The following VPS54 variants were observed in gnomAD, a reference collection of about 807,000 sequenced individuals.
VPS54 encodes the protein VPS54 subunit of GARP complex.
In VPS54, 45 loss-of-function variants were observed where a neutral mutation model predicts 121.5. That is an observed-to-expected ratio of 0.37 (90% CI 0.29 to 0.47). The LOEUF is 0.47. Among genes scored for constraint, VPS54 ranks in the 20% least tolerant of loss-of-function variants. The pLI is 0.99. For missense variants in VPS54, 1,090 were observed against 1,131.4 expected (o/e 0.96, Z 0.52); for synonymous variants, 371 against 385.8 (o/e 0.96, Z 0.45).
In VPS54 at chr2:63,949,276, A is replaced by C. The variant is rs888286584; in HGVS notation, c.1011-113T>G. 1.3e-5 allele frequency: 13 copies of C among 1,022,202 alleles called. No homozygotes were observed. The African/African-American group carries it at 2.0e-4, about 16-fold the overall frequency. 63.3% of individuals were successfully genotyped at this position (1,022,202 alleles called of 1,614,324 possible). ...TTTCAGTTGACAGTACCTGTGCAAT[A>C]ATGCAATGTTTTCAAAAAATGAAGT... On this transcript the variant is annotated intron_variant, in intron 7 of 22. Coordinates refer to ENST00000272322, the MANE Select transcript of VPS54 (RefSeq NM_016516.3).
chr2:63,976,357 A>C (rs931564710), intron 3 of VPS54, among the ~76,000 whole-genome samples: 11 of 151,668 alleles, frequency 7.3e-5, no homozygotes, highest in African/African-American at 2.7e-4. Flanking sequence ...TCTCAAAAAA[A>C]AAAAAAACAA....
At chr2:63,972,093 G>C (rs914363951) in intron 4 of VPS54, 73 bp downstream of exon 4, 3 of 936,310 alleles carry the variant, frequency 3.2e-6, no homozygotes, top group Non-Finnish European at 3.0e-6. Flanking sequence ...AGGCAATAAG[G>C]TCCCAAAATA....
At chr2:63,967,058 C>T (rs986625689) in intron 5 of VPS54, among the ~76,000 whole-genome samples, 1 of 152,148 alleles carries the variant, frequency 6.6e-6, no homozygotes, top group Non-Finnish European at 1.5e-5. Context: ...GTATGCATAT[C>T]TCCCTCTGGA....
At chr2:63,979,330 C>A (rs1001240116) in intron 3 of VPS54, among the ~76,000 whole-genome samples, 1 of 151,436 alleles carries the variant, frequency 6.6e-6, no homozygotes, top group Admixed American at 6.6e-5. Flanking sequence ...ACCTCAACCA[C>A]CCAGTTTCAA....
At position 63,983,943 on chromosome 2, in the gene VPS54, G is replaced by A; in HGVS notation, c.57C>T (p.Phe19=). The A allele has an allele frequency of 1.9e-6, 3 of 1,613,820 alleles. No individual in the cohort carries two copies. The South Asian group carries it at 3.3e-5, about 18-fold the overall frequency. ...PVPQGSSSDV[F]FKIEVDPSKH... ...TTGACGGATCTACCTCTATTTTAAA[G>A]AAAACATCACTGCTGCTTCCTTGAG... Residue 19 remains phenylalanine, a synonymous_variant, in exon 2 of 23, where the codon TTC becomes TTT. Coordinates refer to ENST00000272322, the MANE Select transcript of VPS54 (RefSeq NM_016516.3).
intron 1 of VPS54, among the ~76,000 whole-genome samples, chr2:63,986,764 G>T (rs548366254): frequency 1.3e-5 from 2 of 152,296 alleles, no homozygotes; most frequent in African/African-American, 4.8e-5. Flanking sequence ...CTTAATGCCT[G>T]TCTTTTGGAT....
chr2:63,976,365 C>CAA (rs1221827869), intron 3 of VPS54, among the ~76,000 whole-genome samples: 11 of 144,248 alleles, frequency 7.6e-5, no homozygotes, highest in African/African-American at 2.8e-4. Context: ...AAAAAAAAAA[C>CAA]AAAAAACAAA....
At chr2:63,981,520 T>C (rs1253458812) in intron 3 of VPS54, 126 bp downstream of exon 3, 2 of 1,082,712 alleles carry the variant, frequency 1.8e-6, no homozygotes, top group Non-Finnish European at 2.6e-6. Context: ...GACAGTACAA[T>C]TTGTATGAAC....
chr2:63,956,844 C>A (rs181744179), intron 7 of VPS54, among the ~76,000 whole-genome samples: 1 of 152,002 alleles, frequency 6.6e-6, no homozygotes, highest in Non-Finnish European at 1.5e-5. Context: ...AGAGTGTTAA[C>A]GACAATTATG....
chr2:63,938,189 A>G (rs1408847150), intron 11 of VPS54, among the ~76,000 whole-genome samples: 1 of 150,966 alleles, frequency 6.6e-6, no homozygotes, highest in East Asian at 1.9e-4. Context: ...CTGGTCTCAA[A>G]CTCTGGTCTC....
chr2:64,005,381 G>A (rs569928552), intron 1 of VPS54, among the ~76,000 whole-genome samples: 1 of 152,162 alleles, frequency 6.6e-6, no homozygotes, highest in African/African-American at 2.4e-5. Context: ...GGGATTACAG[G>A]CGTGAGCCAC....
intron 1 of VPS54, among the ~76,000 whole-genome samples, chr2:63,988,395 T>C (rs1289191259): frequency 2.0e-5 from 3 of 152,146 alleles, no homozygotes; most frequent in Non-Finnish European, 4.4e-5. Context: ...TTGAATTTGG[T>C]TTGCTAGTAT....
chr2:63,933,961 T>A lies in VPS54; in HGVS notation c.1451A>T (p.Gln484Leu). ...AATCTCTTCCAATTCTCTAGTCCTT[T>A]GGTTTTTGTCAAGAACTGAGAGAAC... ...SVVLSVLDKN[Q>L]RTRELEEISQ... Residue 484 changes from glutamine (Q) to leucine (L), a missense_variant, in exon 12 of 23, where the codon CAA becomes CTA. By Grantham distance (113) the Gln-to-Leu change is moderately radical. Transcript: ENST00000272322. The A allele has an allele frequency of 6.2e-7, 1 of 1,613,628 alleles. No homozygotes were observed. The highest frequency in any genetic ancestry group is 8.5e-7 in the Non-Finnish European group (1 of 1,179,732).
At chr2:64,000,004 G>A (rs965965806) in intron 1 of VPS54, among the ~76,000 whole-genome samples, 1 of 152,020 alleles carries the variant, frequency 6.6e-6, no homozygotes, top group African/African-American at 2.4e-5. Flanking sequence ...CAGATTACAG[G>A]GATGTGCCAC....
chr2:63,977,145 T>A (rs1175448364), intron 3 of VPS54, among the ~76,000 whole-genome samples: 2 of 152,188 alleles, frequency 1.3e-5, no homozygotes, highest in Non-Finnish European at 2.9e-5. Context: ...TTTTTCTTAA[T>A]CTAGCTAAAT....
intron 20 of VPS54, among the ~76,000 whole-genome samples, chr2:63,903,837 ATCAG>A (rs1417140326): frequency 6.6e-6 from 1 of 152,112 alleles, no homozygotes. Flanking sequence ...AAAGGGGAAA[ATCAG>A]TCAAAGAACA....
At chr2:63,898,241 C>CCTGG (rs1672525770) in intron 21 of VPS54, among the ~76,000 whole-genome samples, 1 of 152,068 alleles carries the variant, frequency 6.6e-6, no homozygotes, top group Non-Finnish European at 1.5e-5. Flanking sequence ...AGCTCCCTGA[C>CCTGG]CTGGGTAAGT....
intron 9 of VPS54, among the ~76,000 whole-genome samples, chr2:63,946,948 C>T (rs1257209053): frequency 6.6e-6 from 1 of 151,986 alleles, no homozygotes; most frequent in Non-Finnish European, 1.5e-5. Context: ...AACAAAATAA[C>T]TTTATACCAC....
At chr2:63,935,319 G>C (rs1674401456) in intron 11 of VPS54, among the ~76,000 whole-genome samples, 2 of 152,100 alleles carry the variant, frequency 1.3e-5, no homozygotes, top group African/African-American at 4.8e-5. Flanking sequence ...ACCGAAGATA[G>C]AGCCTTCAAG....
Sources: gnomAD v4.1 joint callset for allele counts (sites outside exome capture counted in the v4.1 genomes callset) on GRCh38, gnomAD v4.1.1 for gene constraint, MANE v1.5 for transcripts, NCBI Gene and HGNC (gene_info 2026-07-23, HGNC 2026-07-21) for gene names.